CCNK: variants seen among roughly 807,000 people sequenced by gnomAD.
The protein encoded by CCNK is cyclin K.
In CCNK, 9 loss-of-function variants were observed where a neutral mutation model predicts 65.0. The observed-to-expected ratio is 0.14, with a 90% CI of 0.08 to 0.24. CCNK has a LOEUF of 0.24. Among genes scored for constraint, CCNK ranks in the 10% least tolerant of loss-of-function variants. The pLI is 1.00. For synonymous variants in CCNK, 279 were observed against 270.8 expected (o/e 1.03, Z -0.30); for missense variants, 474 against 720.0 (o/e 0.66, Z 3.91).
chr14:99,495,389 A>C lies in CCNK; in HGVS notation c.280-109A>C, dbSNP rs1342568941. On this transcript the variant is annotated intron_variant, in intron 3 of 10. Coordinates refer to ENST00000389879, the MANE Select transcript of CCNK (RefSeq NM_001099402.2). ...GGAGTATTTGTGAATGATAAAAAGA[A>C]AGGTAGGGGAATGAGGAAGACCAGT... 6 of 888,032 alleles carry C rather than the reference A, an allele frequency of 6.8e-6. No individual in the cohort carries two copies. The East Asian group carries it at 1.7e-4, about 26-fold the overall frequency. The allele number at this position is 888,032 out of a possible 1,614,324, so 55.0% of individuals were successfully genotyped here.
chr14:99,501,113 TTAAATGGACTAA>T, intron 5 of CCNK: 1 of 600,714 alleles, frequency 1.7e-6, no homozygotes, highest in Non-Finnish European at 2.9e-6. Context: ...GCAGAATTTT[TTAAATGGACTAA>T]TAAACTTAGC....
At chr14:99,500,031 G>T (rs546452900) in intron 4 of CCNK, 3 of 152,310 alleles carry the variant, frequency 2.0e-5, no homozygotes, top group African/African-American at 7.2e-5. Context: ...TGGAGCTATT[G>T]TATCCCACCC....
At chr14:99,484,228 TAGTC>T (rs147416710) in intron 1 of CCNK, among the ~76,000 whole-genome samples, 10 of 152,328 alleles carry the variant, frequency 6.6e-5, no homozygotes, top group African/African-American at 1.2e-4. Flanking sequence ...AGCTGTGAAT[TAGTC>T]AGGTTGTTTC....
At chr14:99,509,585 GGCT>G (rs562583133) in intron 10 of CCNK, 19 of 155,238 alleles carry the variant, frequency 1.2e-4, no homozygotes, top group African/African-American at 2.4e-4. Flanking sequence ...CTCTCAAGGA[GGCT>G]GCTATCTGAG....
chr14:99,483,177 G>A (rs1896397408), intron 1 of CCNK, among the ~76,000 whole-genome samples: 1 of 152,080 alleles, frequency 6.6e-6, no homozygotes. Context: ...TTAGAATCTT[G>A]TTGGAAGAGC....
At chr14:99,500,302 A>G (rs1026844456) in intron 4 of CCNK, 9 of 182,930 alleles carry the variant, frequency 4.9e-5, no homozygotes, top group Non-Finnish European at 8.0e-5. Flanking sequence ...ACACACACAT[A>G]CACACACACT....
intron 4 of CCNK, chr14:99,500,532 T>C: frequency 2.2e-6 from 1 of 454,536 alleles, no homozygotes; most frequent in Non-Finnish European, 3.9e-6. Flanking sequence ...ATCTTTTGTT[T>C]TCAGTATTTT....
In CCNK at chr14:99,502,635, G is replaced by A. The variant is rs1405524086; in HGVS notation, c.746-84G>A. 6 of 1,334,224 alleles carry A rather than the reference G, an allele frequency of 4.5e-6. No homozygotes were observed. In the African/African-American group the frequency reaches 7.3e-5, roughly 16 times the overall value. 82.6% of individuals were successfully genotyped at this position (1,334,224 alleles called of 1,614,324 possible). A position where few individuals can be genotyped will look rare whatever the true frequency, so the allele number is the denominator to read the frequency against. On this transcript the variant is annotated intron_variant, in intron 7 of 10. Transcript: ENST00000389879. The stretch of plus-strand genomic sequence containing the variant: ...TGATTCATGCTTAGGTCCTCGTAGG[G>A]GTATCATAACTGATTCTTTATCCAG...
chr14:99,506,914 T>G, intron 9 of CCNK, 162 bp from the exon 10 acceptor site: 1 of 627,068 alleles, frequency 1.6e-6, no homozygotes, highest in East Asian at 2.7e-5. Flanking sequence ...ACAGGATTCA[T>G]GCATAATGGT....
intron 1 of CCNK, among the ~76,000 whole-genome samples, chr14:99,483,003 T>C (rs1896392148): frequency 6.6e-6 from 1 of 152,250 alleles, no homozygotes; most frequent in South Asian, 2.1e-4. Flanking sequence ...AGGTAAATTG[T>C]ATACCAGAGT....
In CCNK at chr14:99,493,574, C is replaced by T. The variant is rs569017496; in HGVS notation, c.258C>T (p.Ser86=). ...TTCATCGCTTCTATATGTTTCATTC[C>T]TTCAAGCAATTCCCAAGATATGTAA... is the stretch of plus-strand genomic sequence containing the variant. ...IYFHRFYMFH[S]FKQFPRYVTG... The change falls in exon 3 of 11, where the codon TCC becomes TCT. Residue 86 remains serine (S), a synonymous_variant. Coordinates refer to ENST00000389879, the MANE Select transcript of CCNK (RefSeq NM_001099402.2). 7.5e-6 allele frequency: 12 copies of T among 1,607,798 alleles called. No homozygotes were observed. The South Asian group carries it at 1.2e-4, about 16-fold the overall frequency.
At position 99,495,636 on chromosome 14, in the gene CCNK, A is replaced by T. The variant is rs1896685455; in HGVS notation, c.411+7A>T. ...GTTTGGAGATGACCCAAAGGTAAGA[A>T]TGATAATAACTTCCTGCCTTCTGGT... On this transcript the variant is annotated splice_region_variant and intron_variant, in intron 4 of 10. Transcript: ENST00000389879. 3 of 1,599,862 alleles carry T rather than the reference A, an allele frequency of 1.9e-6. No homozygotes were observed. The African/African-American group carries it at 4.1e-5, about 22-fold the overall frequency.
intron 1 of CCNK, among the ~76,000 whole-genome samples, chr14:99,487,180 G>A (rs112439895): frequency 1.3e-5 from 2 of 152,166 alleles, no homozygotes; most frequent in African/African-American, 4.8e-5. Flanking sequence ...AAGAATATAT[G>A]TACATGTTTA....
intron 8 of CCNK, 177 bp from the exon 9 acceptor site, chr14:99,503,434 A>C (rs1896891103): frequency 1.6e-6 from 1 of 613,158 alleles, no homozygotes; most frequent in Non-Finnish European, 2.9e-6. Flanking sequence ...AAGGGAGCAG[A>C]AATGATGATC....
At chr14:99,485,166 A>G (rs546282351) in intron 1 of CCNK, among the ~76,000 whole-genome samples, 1 of 152,340 alleles carries the variant, frequency 6.6e-6, no homozygotes, top group South Asian at 2.1e-4. Context: ...CATTTCATGA[A>G]TTGTTTATAT....
chr14:99,483,730 A>G (rs755293075), intron 1 of CCNK, among the ~76,000 whole-genome samples: 1 of 152,242 alleles, frequency 6.6e-6, no homozygotes, highest in African/African-American at 2.4e-5. Flanking sequence ...GTGTGGTTAG[A>G]TGGATTTATA....
At chr14:99,490,062 A>C (rs1896567302) in intron 1 of CCNK, among the ~76,000 whole-genome samples, 1 of 152,238 alleles carries the variant, frequency 6.6e-6, no homozygotes, top group Non-Finnish European at 1.5e-5. Context: ...ACATTTGTAT[A>C]GTATTTTGCA....
At chr14:99,502,658 C>T in intron 7 of CCNK, 61 bp from the exon 8 acceptor site, 1 of 1,495,938 alleles carries the variant, frequency 6.7e-7, no homozygotes, top group Non-Finnish European at 9.3e-7. Context: ...ATTCTTTATC[C>T]AGGTAAAATT....
Position 99,502,918 on chromosome 14 carries a change from G to T in CCNK, c.945G>T (p.Gln315His). ...KDPQQPAQQQ[Q>H]PAQQPKKPSP... is the part of the protein sequence containing the mutation. ...CCCAGCAACCAGCCCAGCAGCAGCA[G>T]CCAGCCCAACAGCCCAAGAAACCCT... is the stretch of plus-strand genomic sequence containing the variant. Residue 315 changes from glutamine (Q) to histidine (H), a missense_variant, in exon 8 of 11, where the codon CAG (glutamine) becomes CAT (histidine). By Grantham distance (24) the Gln-to-His change is conservative (BLOSUM62 0). Around this residue, in one of 6 missense-constraint regions of CCNK, gnomAD observed 229 missense variants for 275.5 expected, o/e 0.83. Coordinates refer to ENST00000389879, the MANE Select transcript of CCNK (RefSeq NM_001099402.2). 6.2e-7 allele frequency: 1 copy of T among 1,613,762 alleles called. No homozygotes were observed. The highest frequency in any genetic ancestry group is 8.5e-7 in the Non-Finnish European group (1 of 1,179,790).
Sources: gnomAD v4.1 joint callset for allele counts (sites outside exome capture counted in the v4.1 genomes callset) on GRCh38, gnomAD v4.1.1 for gene constraint, gnomAD v4.1.1 regional missense constraint, MANE v1.5 for transcripts, NCBI Gene and HGNC (gene_info 2026-07-23, HGNC 2026-07-21) for gene names.